The following TOM1L2 variants were observed in gnomAD, a reference collection of about 807,000 sequenced individuals.
TOM1L2 encodes the protein TOM1-like protein 2.
In TOM1L2, 31 loss-of-function variants were observed where a neutral mutation model predicts 67.9. That is an observed-to-expected ratio of 0.46 (90% CI 0.34 to 0.62). TOM1L2 has a LOEUF of 0.62. TOM1L2 is among the 20% of genes least tolerant of loss of function. TOM1L2 has a pLI of 0.01. For synonymous variants in TOM1L2, 256 were observed against 254.0 expected (o/e 1.01, Z -0.07); for missense variants, 606 against 663.5 (o/e 0.91, Z 0.95).
chr17:17,869,231 C>A, intron 8 of TOM1L2, 109 bp downstream of exon 8: 2 of 1,545,112 alleles, frequency 1.3e-6, no homozygotes, highest in Admixed American at 2.0e-5. Context: ...TTTTCCAACT[C>A]TAATCTCTCT....
chr17:17,862,520 AGT>A (rs2036613667), intron 11 of TOM1L2: 216 of 527,942 alleles, frequency 4.1e-4, no homozygotes, highest in South Asian at 5.4e-4. Context: ...AGGGCAGGAG[AGT>A]GTGTGTGTGT....
intron 2 of TOM1L2, among the ~76,000 whole-genome samples, chr17:17,905,439 A>G (rs540528180): frequency 1.4e-4 from 21 of 152,306 alleles, no homozygotes; most frequent in African/African-American, 4.6e-4. Flanking sequence ...ATGTCAGCCA[A>G]TTCCATTGGC....
In TOM1L2 at chr17:17,893,658, T is replaced by C. The variant is rs200871331; in HGVS notation, c.366+3A>G. On this transcript the variant is annotated splice_donor_region_variant and intron_variant, in intron 4 of 14. Coordinates refer to ENST00000379504, the MANE Select transcript of TOM1L2 (RefSeq NM_001082968.2). ...AACAAATTGGGCAAGGGGTCCAACC[T>C]ACCTGGATCAGAGCAAGCACTTTGT... 1.2e-6 allele frequency: 2 copies of C among 1,613,206 alleles called. No individual in the cohort carries two copies. The highest frequency in any genetic ancestry group is 1.7e-6 in the Non-Finnish European group (2 of 1,179,590).
At chr17:17,866,548 GC>G in intron 9 of TOM1L2, 129 bp from the exon 10 acceptor site, 1 of 1,247,952 alleles carries the variant, frequency 8.0e-7, no homozygotes, top group Non-Finnish European at 1.1e-6. Flanking sequence ...CAGAAGCAAG[GC>G]CACTTCCCCC....
At chr17:17,931,138 AC>A (rs1270508852) in intron 1 of TOM1L2, among the ~76,000 whole-genome samples, 3 of 152,084 alleles carry the variant, frequency 2.0e-5, no homozygotes, top group Non-Finnish European at 4.4e-5. Context: ...CCCACAAAGA[AC>A]TACACATTCA....
At chr17:17,943,639 ACT>A (rs1199014482) in intron 1 of TOM1L2, among the ~76,000 whole-genome samples, 1 of 151,718 alleles carries the variant, frequency 6.6e-6, no homozygotes, top group Non-Finnish European at 1.5e-5. Flanking sequence ...CACTTCCTCC[ACT>A]CTCTCTTTCC....
chr17:17,895,279 A>C (rs1226149309), intron 3 of TOM1L2, among the ~76,000 whole-genome samples: 1 of 152,058 alleles, frequency 6.6e-6, no homozygotes, highest in African/African-American at 2.4e-5. Context: ...CCTCCTCAAA[A>C]CGATGTCACC....
At chr17:17,885,723 G>C (rs2037960361) in intron 4 of TOM1L2, among the ~76,000 whole-genome samples, 1 of 151,984 alleles carries the variant, frequency 6.6e-6, no homozygotes, top group South Asian at 2.1e-4. Flanking sequence ...AGGAGATCAA[G>C]ACCATCCTGG....
intron 1 of TOM1L2, among the ~76,000 whole-genome samples, chr17:17,956,057 A>AG (rs1304947491): frequency 6.6e-6 from 1 of 152,088 alleles, no homozygotes. Flanking sequence ...TCATGGAGTA[A>AG]GCAGCAACAT....
intron 1 of TOM1L2, among the ~76,000 whole-genome samples, chr17:17,912,288 C>T (rs867805887): frequency 7.1e-6 from 1 of 140,860 alleles, no homozygotes; most frequent in Non-Finnish European, 1.6e-5. Flanking sequence ...GGGGGGCTGA[C>T]CCCCCCACCT....
At chr17:17,849,928 T>C (rs1027787391) in intron 13 of TOM1L2, among the ~76,000 whole-genome samples, 1 of 152,200 alleles carries the variant, frequency 6.6e-6, no homozygotes, top group Non-Finnish European at 1.5e-5. Context: ...AAGGCATGTG[T>C]TTGGAAAGCT....
chr17:17,969,014 C>T (rs73303830), intron 1 of TOM1L2, among the ~76,000 whole-genome samples: 5,952 of 151,804 alleles, frequency 0.039, 409 homozygotes, highest in African/African-American at 0.13. Context: ...CTCCTGAAAC[C>T]GTAAATCCAT....
chr17:17,857,814 C>T (rs2036327140), intron 12 of TOM1L2: 2 of 1,535,572 alleles, frequency 1.3e-6, no homozygotes, highest in Admixed American at 2.0e-5. Flanking sequence ...CCAGGTCAGA[C>T]TCCCCACCTC....
intron 1 of TOM1L2, among the ~76,000 whole-genome samples, chr17:17,912,700 G>C (rs548777794): frequency 3.5e-4 from 53 of 151,836 alleles, no homozygotes; most frequent in African/African-American, 1.1e-3. Context: ...TCACTTCCCA[G>C]ACTGGGCAGC....
chr17:17,896,596 G>A (rs1362656752), intron 3 of TOM1L2, among the ~76,000 whole-genome samples: 2 of 152,226 alleles, frequency 1.3e-5, no homozygotes, highest in Non-Finnish European at 2.9e-5. Context: ...GGGCTGGCAA[G>A]AGCCGCTTTA....
intron 1 of TOM1L2, among the ~76,000 whole-genome samples, chr17:17,918,581 GC>G (rs561483338): frequency 4.5e-4 from 68 of 152,318 alleles, no homozygotes; most frequent in African/African-American, 1.5e-3. Flanking sequence ...GTCTTTGCAA[GC>G]CCTGAGAAAG....
intron 1 of TOM1L2, among the ~76,000 whole-genome samples, chr17:17,922,013 T>C (rs1314188031): frequency 1.3e-5 from 2 of 152,158 alleles, no homozygotes; most frequent in African/African-American, 4.8e-5. Flanking sequence ...TGCCACTCCT[T>C]GGGAAGGATT....
chr17:17,928,042 T>C (rs1349851234), intron 1 of TOM1L2, among the ~76,000 whole-genome samples: 1 of 152,214 alleles, frequency 6.6e-6, no homozygotes, highest in African/African-American at 2.4e-5. Context: ...TGTGTGGGGC[T>C]ATGGATGAAC....
intron 1 of TOM1L2, among the ~76,000 whole-genome samples, chr17:17,918,560 AG>A (rs1418537316): frequency 6.6e-6 from 1 of 152,220 alleles, no homozygotes; most frequent in Non-Finnish European, 1.5e-5. Flanking sequence ...GAACCATAAC[AG>A]GATCTGCAGG....
Sources: allele counts gnomAD v4.1 joint callset (sites outside exome capture counted in the v4.1 genomes callset), GRCh38; gene constraint gnomAD v4.1.1; transcripts MANE v1.5; gene names NCBI Gene and HGNC (gene_info 2026-07-23, HGNC 2026-07-21).